Variants in TMEM39B observed in about 807,000 individuals in gnomAD.
TMEM39B encodes transmembrane protein 39B.
Under a neutral mutation model 52.2 loss-of-function variants are expected in TMEM39B, and 23 were observed. That is an observed-to-expected ratio of 0.44 (90% confidence interval 0.32 to 0.62). The LOEUF (loss-of-function observed/expected upper bound fraction) is 0.62. Ranked by LOEUF, TMEM39B falls within the 20% of genes least tolerant of loss-of-function variation. The pLI is 0.06. For synonymous variants in TMEM39B, 285 were observed against 264.0 expected, an observed-to-expected ratio of 1.08 and a Z score of -0.77; for missense variants, 547 against 642.0, an observed-to-expected ratio of 0.85 and a Z score of 1.60.
upstream of TMEM39B, among the ~76,000 whole-genome samples, chr1:32,072,722 G>A (rs558661113): frequency 6.6e-6 from 1 of 152,356 alleles, no homozygotes; most frequent in African/African-American, 2.4e-5. Context: ...CGGTCCAGGA[G>A]ATGCTGAGAG....
chr1:32,085,491 G>A (rs776347924), intron 5 of TMEM39B, among the ~76,000 whole-genome samples: 10 of 152,016 alleles, frequency 6.6e-5, no homozygotes, highest in Non-Finnish European at 1.5e-4. Context: ...GGTGGCTCAC[G>A]CCAGTAATCC....
chr1:32,093,677 G>A (rs1267448353), intron 6 of TMEM39B, among the ~76,000 whole-genome samples: 1 of 151,930 alleles, frequency 6.6e-6, no homozygotes. Flanking sequence ...CTCCCAAAGT[G>A]CTGAGGTTAC....
At chr1:32,073,562 G>A (rs1471589226) in intron 1 of TMEM39B, 6 of 991,906 alleles carry the variant, frequency 6.0e-6, no homozygotes, top group Non-Finnish European at 7.2e-6. Context: ...TCTGGGCTGA[G>A]GGGCTTTATG....
intron 4 of TMEM39B, 28 bp downstream of exon 4, chr1:32,076,874 G>T (rs572606462): frequency 6.2e-7 from 1 of 1,611,792 alleles, no homozygotes; most frequent in South Asian, 1.1e-5. Flanking sequence ...GCTGGCCAGG[G>T]ACTTTGGGAT....
At chr1:32,089,143 T>A (rs1392729115) in intron 5 of TMEM39B, among the ~76,000 whole-genome samples, 1 of 150,378 alleles carries the variant, frequency 6.6e-6, no homozygotes, top group African/African-American at 2.5e-5. Context: ...TTTTTTTTTT[T>A]TTTTTTTTTT....
intron 3 of TMEM39B, 114 bp downstream of exon 3, chr1:32,075,936 C>CT (rs2124425280): frequency 1.5e-6 from 1 of 687,576 alleles, no homozygotes; most frequent in East Asian, 2.8e-5. Flanking sequence ...CCACTGTGCA[C>CT]TTGGCTCCAT....
chr1:32,100,541 C>A lies in TMEM39B; in HGVS notation c.1215C>A (p.Asp405Glu), dbSNP rs373923538. 1.2e-6 allele frequency: 2 copies of A among 1,614,174 alleles called. No individual in the cohort carries two copies. Among genetic ancestry groups the A allele is most frequent in the Middle Eastern group, 1.6e-4 (1 of 6,062 alleles). ...VGHYNVAIPS[D>E]VSHFRFHFFF... Reference sequence around the variant, plus strand: ...ACTACAACGTGGCTATCCCCTCTGACGTCTCCCACTTCCGCTTCCATGTGA... The same window carrying A: ...ACTACAACGTGGCTATCCCCTCTGAAGTCTCCCACTTCCGCTTCCATGTGA... The change falls in exon 8 of 9, where the codon GAC (aspartate) becomes GAA (glutamate). Residue 405 changes from aspartate to glutamate, a missense_variant. By Grantham distance (45) the Asp-to-Glu change is conservative (BLOSUM62 2). Coordinates refer to ENST00000336294, the MANE Select transcript of TMEM39B (RefSeq NM_018056.4).
intron 6 of TMEM39B, 86 bp from the exon 7 acceptor site, chr1:32,094,698 C>T (rs903943901): frequency 1.1e-5 from 16 of 1,474,794 alleles, no homozygotes; most frequent in Non-Finnish European, 1.5e-5. Context: ...ACTGTCCTAA[C>T]CTCTCAGTCA....
chr1:32,096,451 C>CTATT, intron 7 of TMEM39B, among the ~76,000 whole-genome samples: 1 of 105,022 alleles, frequency 9.5e-6, no homozygotes, highest in South Asian at 3.5e-4. Context: ...CTCCTCTGGC[C>CTATT]TTTTTTTTTT....
rs535282568 is a variant in TMEM39B at position 32,079,216 on chromosome 1, G to A, written c.590+1898G>A. Among the ~76,000 whole-genome samples the A allele has an allele frequency of 6.6e-3, 908 of 138,526 alleles. 15 individuals carry two copies. Among genetic ancestry groups the A allele is most frequent in the African/African-American group, 0.024 (877 of 37,238 alleles). The allele number at this position is 138,526 out of a possible 152,430, so 90.9% of individuals were successfully genotyped here. On this transcript the variant is annotated intron_variant, in intron 5 of 8. Transcript: ENST00000336294. ...TTTTTTTTTTTTGAGATGGAGTCTC[G>A]CTCTGTCGCCCAGGCTGGAGTGCAG...
At chr1:32,101,971 A>G (rs1022615646) in intron 8 of TMEM39B, among the ~76,000 whole-genome samples, 1 of 152,158 alleles carries the variant, frequency 6.6e-6, no homozygotes, top group Admixed American at 6.6e-5. Flanking sequence ...AGTCTGTAAT[A>G]ACTTTCCATG....
chr1:32,077,579 A>G (rs936472543), intron 5 of TMEM39B, among the ~76,000 whole-genome samples: 1 of 152,162 alleles, frequency 6.6e-6, no homozygotes, highest in Non-Finnish European at 1.5e-5. Flanking sequence ...TATATCCCAA[A>G]GGAACATTCC....
chr1:32,095,180 G>A (rs1290951163), intron 7 of TMEM39B, among the ~76,000 whole-genome samples: 1 of 152,204 alleles, frequency 6.6e-6, no homozygotes, highest in African/African-American at 2.4e-5. Context: ...ACTGAAGATG[G>A]GAGGGGACTG....
At chr1:32,074,828 A>T (rs1639783750) in intron 1 of TMEM39B, 123 bp from the exon 2 acceptor site, 7 of 1,255,968 alleles carry the variant, frequency 5.6e-6, no homozygotes, top group Non-Finnish European at 7.5e-6. Flanking sequence ...GGGCCAGATC[A>T]TAGGTCTCAG....
chr1:32,072,859 G>T, upstream of TMEM39B: 1 of 638,630 alleles, frequency 1.6e-6, no homozygotes, highest in Non-Finnish European at 2.6e-6. Context: ...CCTCCGTCCG[G>T]GCGGCCCCTT....
intron 3 of TMEM39B, 158 bp from the exon 4 acceptor site, chr1:32,076,605 G>C (rs1192357168): frequency 1.3e-6 from 1 of 754,004 alleles, no homozygotes; most frequent in Non-Finnish European, 2.3e-6. Flanking sequence ...TCCTACTCCT[G>C]TAGGTAATTT....
At chr1:32,091,360 C>T (rs1286907473) in intron 5 of TMEM39B, among the ~76,000 whole-genome samples, 1 of 152,182 alleles carries the variant, frequency 6.6e-6, no homozygotes, top group Admixed American at 6.5e-5. Context: ...TAGGCCGAGC[C>T]CAGCGAATGT....
rs143620154 is a variant in TMEM39B at position 32,082,653 on chromosome 1, G to A, written c.590+5335G>A. ...GTATTTTTAGTAGAGATGGGGTTTCGCCATGTTTGCCAGGCTGGTCTCGAA... is the reference window on the plus strand; with the variant it reads ...GTATTTTTAGTAGAGATGGGGTTTCACCATGTTTGCCAGGCTGGTCTCGAA... On this transcript the variant is annotated intron_variant, in intron 5 of 8. Transcript: ENST00000336294. 5.8e-4 allele frequency among the ~76,000 whole-genome samples: 88 copies of A among 151,102 alleles called. No homozygotes were observed. The East Asian group carries it at 0.013, about 22-fold the overall frequency.
chr1:32,084,679 C>T (rs1250964969), intron 5 of TMEM39B, among the ~76,000 whole-genome samples: 3 of 152,086 alleles, frequency 2.0e-5, no homozygotes, highest in Non-Finnish European at 4.4e-5. Flanking sequence ...AAGTGATTCT[C>T]CTGCCTCAGC....
Sources: allele counts gnomAD v4.1 joint callset (sites outside exome capture counted in the v4.1 genomes callset), GRCh38; gene constraint gnomAD v4.1.1; transcripts MANE v1.5; gene names NCBI Gene and HGNC (gene_info 2026-07-23, HGNC 2026-07-21).